Variants in KCTD10 observed in about 807,000 individuals in gnomAD.
KCTD10 encodes potassium channel tetramerization domain containing 10.
In KCTD10, 13 loss-of-function variants were observed where a neutral mutation model predicts 34.6. The observed-to-expected ratio is 0.38, with a 90% CI of 0.24 to 0.60. The LOEUF is 0.60. Ranked by LOEUF, KCTD10 falls within the 20% of genes least tolerant of loss-of-function variation. The probability of loss-of-function intolerance (pLI) is 0.66; values close to 1 mark genes in which losing one functional copy is unlikely to be tolerated. For missense variants in KCTD10, 256 were observed against 420.3 expected (o/e 0.61, Z 3.42); for synonymous variants, 156 against 168.8 (o/e 0.92, Z 0.59).
At position 109,469,670 on chromosome 12, in the gene KCTD10, G is replaced by A. The variant is rs1873786574; in HGVS notation, c.62C>T (p.Thr21Ile). 1.2e-6 allele frequency: 2 copies of A among 1,614,102 alleles called. No homozygotes were observed. The highest frequency in any genetic ancestry group is 1.7e-6 in the Non-Finnish European group (2 of 1,180,056). ...SSAVPAAATR[T>I]TSFKGTSPSS... ...GGGGCTCGTGCCCTTGAAGGAAGTGGTGCGGGTAGCAGCCGCTGGCACCGC... is the reference window on the plus strand; with the variant it reads ...GGGGCTCGTGCCCTTGAAGGAAGTGATGCGGGTAGCAGCCGCTGGCACCGC... Residue 21 changes from threonine to isoleucine, a missense_variant, in exon 2 of 7, where the codon ACC becomes ATC. Thr to Ile is a moderately conservative substitution (Grantham distance 89). Around this residue, in one of 3 missense-constraint regions of KCTD10, gnomAD observed 155 missense variants for 207.0 expected, o/e 0.75. Coordinates refer to ENST00000228495, the MANE Select transcript of KCTD10 (RefSeq NM_031954.5).
intron 2 of KCTD10, among the ~76,000 whole-genome samples, chr12:109,463,778 C>T (rs528240651): frequency 2.6e-5 from 4 of 152,312 alleles, no homozygotes; most frequent in Admixed American, 2.0e-4. Flanking sequence ...CTTCTACAAA[C>T]GATCTCACAG....
chr12:109,469,440 T>C (rs934932159), intron 2 of KCTD10, 75 bp downstream of exon 2: 4 of 1,547,148 alleles, frequency 2.6e-6, no homozygotes, highest in Non-Finnish European at 3.5e-6. Flanking sequence ...TCGACTTAAA[T>C]GTCACTTCTT....
At chr12:109,466,068 T>C (rs149034157) in intron 2 of KCTD10, among the ~76,000 whole-genome samples, 99 of 152,278 alleles carry the variant, frequency 6.5e-4, no homozygotes, top group African/African-American at 2.3e-3. Context: ...AATTCTAGCA[T>C]TGTGGGAACT....
intron 1 of KCTD10, among the ~76,000 whole-genome samples, chr12:109,474,879 T>C (rs1399871183): frequency 6.6e-6 from 1 of 152,170 alleles, no homozygotes. Context: ...GTTTTCTATA[T>C]GCTTCTCTGT....
intron 1 of KCTD10, chr12:109,470,658 C>T (rs1051413441): frequency 1.6e-5 from 15 of 936,148 alleles, no homozygotes; most frequent in South Asian, 4.9e-5. Context: ...CAGTTTTTCA[C>T]AGCACATCAC....
intron 2 of KCTD10, among the ~76,000 whole-genome samples, chr12:109,462,321 C>G (rs1392360979): frequency 6.6e-6 from 1 of 152,230 alleles, no homozygotes; most frequent in Non-Finnish European, 1.5e-5. Context: ...TCTCCACCCT[C>G]CAGCGGCTTC....
In KCTD10 at chr12:109,456,190, A is replaced by G. The variant is rs1313079674; in HGVS notation, c.651T>C (p.Tyr217=). 1.9e-6 allele frequency: 3 copies of G among 1,614,092 alleles called. No homozygotes were observed. The highest frequency in any genetic ancestry group is 2.5e-6 in the Non-Finnish European group (3 of 1,180,052). The change falls in exon 6 of 7, where the codon TAT becomes TAC. Residue 217 remains tyrosine, a synonymous_variant. Transcript: ENST00000228495. The part of the protein sequence containing the change: ...IGDEICCWSF[Y]GQGRKIAEVC... ...CTTCAGCAATCTTCCGGCCCTGACC[A>G]TAAAAGGACCAGCAGCAGATTTCAT...
At position 109,458,067 on chromosome 12, in the gene KCTD10, AG is replaced by A; in HGVS notation, c.398del (p.Thr133IlefsTer10). The A allele has an allele frequency of 6.2e-7, 1 of 1,614,060 alleles. No homozygotes were observed. Among genetic ancestry groups the A allele is most frequent in the Non-Finnish European group, 8.5e-7 (1 of 1,179,912 alleles). ...ECQAALQNKD[T>X]YEPFCKVPVI... Reference sequence around the variant, plus strand: ...CAGGGACCTTGCAGAAAGGCTCATAAGTATCTTTGTTCTGCTGGAACAAAAC... The same window carrying A: ...CAGGGACCTTGCAGAAAGGCTCATAATATCTTTGTTCTGCTGGAACAAAAC... On this transcript the variant is annotated frameshift_variant, in exon 4 of 7. Transcript: ENST00000228495. LOFTEE classifies it high-confidence loss of function.
chr12:109,457,559 A>T (rs1873081067), intron 5 of KCTD10, 71 bp downstream of exon 5: 1 of 1,356,600 alleles, frequency 7.4e-7, no homozygotes, highest in Non-Finnish European at 1.1e-6. Context: ...TACGAAGAAG[A>T]GCTGGGCCTG....
chr12:109,451,883 C>G lies in KCTD10; in HGVS notation c.724-70G>C, dbSNP rs16940244. On this transcript the variant is annotated intron_variant, in intron 6 of 6. Coordinates refer to ENST00000228495, the MANE Select transcript of KCTD10 (RefSeq NM_031954.5). The surrounding 1 kb of genome is among the most constrained non-coding windows in gnomAD (Gnocchi z 5.0). ...CCTCTGCCAACACCTGGACTTTAAGCAGGGCCGCCAGGCTAAATCAGGCCC... is the reference window on the plus strand; with the variant it reads ...CCTCTGCCAACACCTGGACTTTAAGGAGGGCCGCCAGGCTAAATCAGGCCC... 2.8e-3 allele frequency: 3,773 copies of G among 1,352,578 alleles called. 92 individuals carry two copies. The African/African-American group carries it at 0.05, about 18-fold the overall frequency. The allele number at this position is 1,352,578 out of a possible 1,614,324, so 83.8% of individuals were successfully genotyped here. A position where few individuals can be genotyped will look rare whatever the true frequency, so the allele number is the denominator to read the frequency against.
intron 1 of KCTD10, chr12:109,471,249 TGCAACAGCAGAA>T: frequency 1.0e-6 from 1 of 985,388 alleles, no homozygotes; most frequent in Non-Finnish European, 1.2e-6. Flanking sequence ...GGAGGCAGCT[TGCAACAGCAGAA>T]GCAACGCGAC....
chr12:109,475,555 G>C lies in KCTD10; in HGVS notation c.3+1705C>G, dbSNP rs574285673. On this transcript the variant is annotated intron_variant, in intron 1 of 6. Transcript: ENST00000228495. ...CAGATCAATTAATCAGTATCTCAGA[G>C]ATGCGGAGGGGTGGCTGATCAGTCA... Among the ~76,000 whole-genome samples, 8 of 152,286 alleles carry C rather than the reference G, an allele frequency of 5.3e-5. No homozygotes were observed. The East Asian group carries it at 1.5e-3, about 29-fold the overall frequency.
At chr12:109,467,121 T>A (rs905491204) in intron 2 of KCTD10, among the ~76,000 whole-genome samples, 1 of 152,154 alleles carries the variant, frequency 6.6e-6, no homozygotes, top group African/African-American at 2.4e-5. Context: ...GATGCCACAC[T>A]CAAATGATCT....
Position 109,469,665 on chromosome 12 carries a change from A to C in KCTD10, c.67T>G (p.Ser23Ala). The C allele has an allele frequency of 1.2e-6, 2 of 1,614,198 alleles. No individual in the cohort carries two copies. Among genetic ancestry groups the C allele is most frequent in the Non-Finnish European group, 1.7e-6 (2 of 1,180,034 alleles). ...AVPAAATRTT[S>A]FKGTSPSSKY... ...GAGCTGGGGCTCGTGCCCTTGAAGG[A>C]AGTGGTGCGGGTAGCAGCCGCTGGC... The change falls in exon 2 of 7, where the codon TCC (serine) becomes GCC (alanine). Residue 23 changes from serine to alanine, a missense_variant. Transcript: ENST00000228495.
intron 5 of KCTD10, 115 bp from the exon 6 acceptor site, chr12:109,456,428 A>G (rs1054022511): frequency 2.4e-6 from 2 of 825,256 alleles, no homozygotes; most frequent in African/African-American, 1.7e-5. Context: ...CCTCATTTCA[A>G]CCTCACAATA....
intron 3 of KCTD10, chr12:109,458,610 C>G (rs1873151374): frequency 6.5e-6 from 1 of 153,940 alleles, no homozygotes. Flanking sequence ...CATCTCCGTC[C>G]CCATGCAGGC....
chr12:109,458,122 C>T (rs1460428410), intron 3 of KCTD10, 44 bp from the exon 4 acceptor site: 2 of 1,518,438 alleles, frequency 1.3e-6, no homozygotes, highest in Admixed American at 3.4e-5. Context: ...GCCTGCCTAG[C>T]ACTGCATTTT....
At chr12:109,471,731 C>T (rs1294493497) in intron 1 of KCTD10, among the ~76,000 whole-genome samples, 3 of 152,136 alleles carry the variant, frequency 2.0e-5, no homozygotes, top group African/African-American at 7.2e-5. Context: ...GGCTTACGGT[C>T]ATGGGTGAGG....
intron 2 of KCTD10, among the ~76,000 whole-genome samples, chr12:109,462,720 CTG>C (rs1196093070): frequency 6.6e-6 from 1 of 152,198 alleles, no homozygotes; most frequent in Admixed American, 6.5e-5. Flanking sequence ...GGCCCAAGAG[CTG>C]TGAGCTCTGA....
Sources: gnomAD v4.1 joint callset for allele counts (sites outside exome capture counted in the v4.1 genomes callset) on GRCh38, gnomAD v4.1.1 for gene constraint, gnomAD v4.1.1 regional missense constraint, Gnocchi (gnomAD v3.1) non-coding constraint, MANE v1.5 for transcripts, NCBI Gene and HGNC (gene_info 2026-07-23, HGNC 2026-07-21) for gene names.